Variants in FAM227B observed in about 807,000 individuals in gnomAD.
FAM227B encodes protein FAM227B.
Under a neutral mutation model 73.8 loss-of-function variants are expected in FAM227B, and 88 were observed. The observed-to-expected ratio is 1.19, with a 90% confidence interval of 1.00 to 1.42. The LOEUF is 1.42. FAM227B is among the 40% of genes most tolerant of loss of function. The pLI is 0.00. For synonymous variants in FAM227B, 210 were observed against 190.5 expected (o/e 1.10, Z -0.84); for missense variants, 632 against 590.9 (o/e 1.07, Z -0.72).
At chr15:49,433,481 G>C (rs2050799819) in intron 11 of FAM227B, among the ~76,000 whole-genome samples, 1 of 151,572 alleles carries the variant, frequency 6.6e-6, no homozygotes, top group South Asian at 2.1e-4. Flanking sequence ...ATGTAAATAA[G>C]AAATAGATTA....
At chr15:49,420,424 T>C (rs2049525721) in intron 11 of FAM227B, among the ~76,000 whole-genome samples, 1 of 152,030 alleles carries the variant, frequency 6.6e-6, no homozygotes, top group African/African-American at 2.4e-5. Context: ...AAAAAATGCA[T>C]ATGACGTGCT....
intron 11 of FAM227B, among the ~76,000 whole-genome samples, chr15:49,494,921 CAA>C (rs1228537521): frequency 6.6e-6 from 1 of 152,116 alleles, no homozygotes; most frequent in Non-Finnish European, 1.5e-5. Context: ...CACCTCACTG[CAA>C]AGAGTCATTC....
chr15:49,615,150 G>T lies in FAM227B; in HGVS notation c.22C>A (p.Gln8Lys). 6.2e-7 allele frequency: 1 copy of T among 1,614,090 alleles called. No individual in the cohort carries two copies. Among genetic ancestry groups the T allele is most frequent in the South Asian group, 1.1e-5 (1 of 91,072 alleles). Reference protein sequence around the residue: MAGQRTCQRRSSRAGPGK... With the variant: MAGQRTCKRRSSRAGPGK... ...GGGCCAGCTCTGCTGCTCCTCCTTT[G>T]ACATGTTCGTTGGCCTGCCATGGTA... Residue 8 changes from glutamine (Q) to lysine (K), a missense_variant, in exon 2 of 16, where the codon CAA (glutamine) becomes AAA (lysine). By Grantham distance (53) the Gln-to-Lys change is moderately conservative. Coordinates refer to ENST00000299338, the MANE Select transcript of FAM227B (RefSeq NM_152647.3).
intron 10 of FAM227B, among the ~76,000 whole-genome samples, chr15:49,531,625 ATGTCTCATGCTTT>A (rs949603652): frequency 6.6e-6 from 1 of 152,036 alleles, no homozygotes. Flanking sequence ...AGAAAGGATC[ATGTCTCATGCTTT>A]TGTTGTTTAA....
chr15:49,480,793 T>C (rs1358609200), intron 11 of FAM227B, among the ~76,000 whole-genome samples: 2 of 151,938 alleles, frequency 1.3e-5, no homozygotes, highest in African/African-American at 4.8e-5. Flanking sequence ...ATCCCCTTTG[T>C]AAAGTGCAGT....
rs1340853337 is a variant in FAM227B, at chr15:49,396,427, C to T, written c.1013-25028G>A. On this transcript the variant is annotated intron_variant, in intron 11 of 15. Transcript: ENST00000299338. ...CGGCAGCGAGGCTGGGGGAGGGGCG[C>T]CCGCCATTGCCCAGGCTTGATTAGG... 193 of 200,942 alleles carry T rather than the reference C, an allele frequency of 9.6e-4. 1 individual carries two copies. The highest frequency in any genetic ancestry group is 4.2e-3 in the African/African-American group (178 of 41,900). The allele number at this position is 200,942 out of a possible 1,614,324, so 12.4% of individuals were successfully genotyped here.
intron 11 of FAM227B, among the ~76,000 whole-genome samples, chr15:49,389,632 C>T (rs1183624319): frequency 6.6e-6 from 1 of 151,482 alleles, no homozygotes; most frequent in Non-Finnish European, 1.5e-5. Flanking sequence ...ACCTCAAAAG[C>T]TATTGAATTT....
intron 11 of FAM227B, among the ~76,000 whole-genome samples, chr15:49,398,026 T>A (rs1346937779): frequency 1.3e-5 from 2 of 152,152 alleles, no homozygotes; most frequent in African/African-American, 2.4e-5. Flanking sequence ...ATGGACTAAA[T>A]GCTCCAATTA....
At chr15:49,461,566 T>C (rs1413117738) in intron 11 of FAM227B, among the ~76,000 whole-genome samples, 1 of 152,242 alleles carries the variant, frequency 6.6e-6, no homozygotes, top group Non-Finnish European at 1.5e-5. Context: ...AAGAGCCACG[T>C]ACTTCTGTTT....
At chr15:49,611,474 T>C (rs1448434448) in intron 2 of FAM227B, among the ~76,000 whole-genome samples, 3 of 152,118 alleles carry the variant, frequency 2.0e-5, no homozygotes, top group Admixed American at 2.0e-4. Flanking sequence ...AAACCAAATT[T>C]TGTAATAGGC....
chr15:49,524,562 T>C (rs1335049267), intron 10 of FAM227B, among the ~76,000 whole-genome samples: 1 of 152,070 alleles, frequency 6.6e-6, no homozygotes, highest in East Asian at 1.9e-4. Context: ...ACAGAGTCCC[T>C]ATTGGGGCAC....
At chr15:49,429,494 T>C (rs1261312688) in intron 11 of FAM227B, among the ~76,000 whole-genome samples, 1 of 151,978 alleles carries the variant, frequency 6.6e-6, no homozygotes, top group Admixed American at 6.6e-5. Context: ...GACTGACCCT[T>C]ATGACTCAGC....
intron 3 of FAM227B, among the ~76,000 whole-genome samples, chr15:49,604,295 T>C (rs1292568153): frequency 6.6e-6 from 1 of 152,166 alleles, no homozygotes; most frequent in Non-Finnish European, 1.5e-5. Context: ...ACTTGTTATC[T>C]TGACTTCCAT....
At chr15:49,335,998 G>A (rs541130301) in intron 13 of FAM227B, among the ~76,000 whole-genome samples, 2 of 152,142 alleles carry the variant, frequency 1.3e-5, no homozygotes, top group Admixed American at 6.5e-5. Context: ...ACAGTTTCTC[G>A]CTATCTTGCC....
At chr15:49,431,320 T>C (rs1281135764) in intron 11 of FAM227B, among the ~76,000 whole-genome samples, 1 of 151,834 alleles carries the variant, frequency 6.6e-6, no homozygotes, top group Non-Finnish European at 1.5e-5. Flanking sequence ...TTTATCTGCA[T>C]TTGAGATTAT....
chr15:49,387,978 T>C (rs1287286490), intron 11 of FAM227B, among the ~76,000 whole-genome samples: 3 of 151,812 alleles, frequency 2.0e-5, no homozygotes, highest in African/African-American at 4.8e-5. Context: ...AAAGAAATTA[T>C]AGATGACAGA....
chr15:49,366,173 G>A (rs1285381399), intron 13 of FAM227B: 3 of 881,818 alleles, frequency 3.4e-6, no homozygotes, highest in Non-Finnish European at 5.9e-6. Flanking sequence ...AACCACCATA[G>A]TATAATCAAA....
intron 9 of FAM227B, among the ~76,000 whole-genome samples, chr15:49,556,906 G>T (rs920581190): frequency 6.6e-6 from 1 of 152,136 alleles, no homozygotes; most frequent in Non-Finnish European, 1.5e-5. Flanking sequence ...TAGCTCAAGC[G>T]TCCATAGGGG....
intron 11 of FAM227B, among the ~76,000 whole-genome samples, chr15:49,497,447 T>C (rs1166087099): frequency 6.6e-6 from 1 of 152,126 alleles, no homozygotes; most frequent in Non-Finnish European, 1.5e-5. Context: ...TCCTATAGGA[T>C]AGGAATGTTT....
Sources: allele counts gnomAD v4.1 joint callset (sites outside exome capture counted in the v4.1 genomes callset), GRCh38; gene constraint gnomAD v4.1.1; transcripts MANE v1.5; gene names NCBI Gene and HGNC (gene_info 2026-07-23, HGNC 2026-07-21).